ARHGAP8: variants seen among roughly 807,000 people sequenced by gnomAD.
The protein encoded by ARHGAP8 is Rho GTPase activating protein 8, also known as rho GTPase-activating protein 8.
A neutral mutation model predicts 46.1 loss-of-function variants in ARHGAP8; 62 were observed. That is an observed-to-expected ratio of 1.34 (90% CI 1.10 to 1.66). The LOEUF is 1.66. ARHGAP8 is among the 40% of genes most tolerant of loss of function. The pLI is 0.00. For synonymous variants in ARHGAP8, 375 were observed against 243.1 expected (o/e 1.54, Z -5.05); for missense variants, 923 against 568.4 (o/e 1.62, Z -6.34).
intron 5 of ARHGAP8, among the ~76,000 whole-genome samples, chr22:44,815,584 G>A (rs541842563): frequency 3.3e-5 from 5 of 152,082 alleles, no homozygotes; most frequent in Non-Finnish European, 5.9e-5. Flanking sequence ...CCCCCAGCCT[G>A]CTGAGTTAAG....
At chr22:44,805,848 C>T (rs773891081) in intron 3 of ARHGAP8, among the ~76,000 whole-genome samples, 27 of 152,188 alleles carry the variant, frequency 1.8e-4, no homozygotes, top group Non-Finnish European at 3.5e-4. Context: ...CAGATGCATG[C>T]TCCTATTTTT....
chr22:44,752,739 G>A (rs541824315), intron 1 of ARHGAP8, 112 bp downstream of exon 1: 2 of 151,840 alleles, frequency 1.3e-5, no homozygotes, highest in African/African-American at 4.8e-5. Flanking sequence ...GCCGCTGGCC[G>A]GGTAGGGACG....
chr22:44,807,249 TG>T (rs946289207), intron 3 of ARHGAP8, among the ~76,000 whole-genome samples: 16 of 152,156 alleles, frequency 1.1e-4, no homozygotes, highest in Non-Finnish European at 1.5e-4. Context: ...TGCAGAGTGC[TG>T]GTGGAGGGTT....
chr22:44,825,607 G>C lies in ARHGAP8; in HGVS notation c.596+14G>C. On this transcript the variant is annotated intron_variant, in intron 7 of 11. Transcript: ENST00000356099. ...CAGTCTGCAATAGTAAGTGAGCCGG[G>C]GATGTGCCTGCTCCTATGCCCTGGA... 1 of 1,608,060 alleles carries C rather than the reference G, an allele frequency of 6.2e-7. No homozygotes were observed.
At chr22:44,821,739 C>T (rs1279411221) in intron 5 of ARHGAP8, among the ~76,000 whole-genome samples, 1 of 152,224 alleles carries the variant, frequency 6.6e-6, no homozygotes, top group Non-Finnish European at 1.5e-5. Context: ...GGAGAACCCC[C>T]ACTTTCAGAC....
At chr22:44,773,994 C>T (rs372513096) in intron 1 of ARHGAP8, among the ~76,000 whole-genome samples, 1 of 152,196 alleles carries the variant, frequency 6.6e-6, no homozygotes, top group Admixed American at 6.5e-5. Flanking sequence ...TGCATTATCT[C>T]GCTAAATCCT....
rs1426142470 is a variant in ARHGAP8, at chr22:44,796,692, C to T, written c.80-5385C>T. Among the ~76,000 whole-genome samples the T allele has an allele frequency of 2.6e-5, 4 of 152,304 alleles. No individual in the cohort carries two copies. The East Asian group carries it at 5.8e-4, about 22-fold the overall frequency. On this transcript the variant is annotated intron_variant, in intron 2 of 11. Coordinates refer to ENST00000356099, the MANE Select transcript of ARHGAP8 (RefSeq NM_181335.3). Reference sequence around the variant, plus strand: ...TTAACTCCACGGGAGAAGTCACAGACGCTCTGAGTCCAGGACGCTCCCAGA... The same window carrying T: ...TTAACTCCACGGGAGAAGTCACAGATGCTCTGAGTCCAGGACGCTCCCAGA...
chr22:44,851,585 G>A (rs1433266409), intron 10 of ARHGAP8, among the ~76,000 whole-genome samples: 1 of 152,154 alleles, frequency 6.6e-6, no homozygotes, highest in African/African-American at 2.4e-5. Flanking sequence ...AGCACTTTGG[G>A]AGGCCAAGGC....
At position 44,859,720 on chromosome 22, in the gene ARHGAP8, T is replaced by C. The variant is rs1421977174; in HGVS notation, c.878-11T>C. On this transcript the variant is annotated splice_polypyrimidine_tract_variant and intron_variant, in intron 10 of 11. Transcript: ENST00000356099. ...CTCTGGAGCTCAGCAGGGAGCCCCATGCCCTTCCAGGTGTGGAGAGCAGCC... is the reference window on the plus strand; with the variant it reads ...CTCTGGAGCTCAGCAGGGAGCCCCACGCCCTTCCAGGTGTGGAGAGCAGCC... The C allele has an allele frequency of 6.2e-7, 1 of 1,612,878 alleles. No individual in the cohort carries two copies. The highest frequency in any genetic ancestry group is 8.5e-7 in the Non-Finnish European group (1 of 1,179,964).
At chr22:44,842,420 T>C (rs1456166136) in intron 7 of ARHGAP8, among the ~76,000 whole-genome samples, 1 of 152,192 alleles carries the variant, frequency 6.6e-6, no homozygotes, top group African/African-American at 2.4e-5. Flanking sequence ...AGTCATTTCC[T>C]TGGGATGAAT....
rs570715679 is a variant in ARHGAP8, at chr22:44,802,155, G to A, written c.158G>A (p.Arg53Gln). The A allele has an allele frequency of 1.4e-5, 23 of 1,614,112 alleles. No homozygotes were observed. Among genetic ancestry groups the A allele is most frequent in the Middle Eastern group, 1.7e-4 (1 of 6,060 alleles). The change falls in exon 3 of 12, where the codon CGG (arginine) becomes CAG (glutamine). Residue 53 changes from arginine to glutamine, a missense_variant. Coordinates refer to ENST00000356099, the MANE Select transcript of ARHGAP8 (RefSeq NM_181335.3). ...MPPSHELDHQ[R>Q]LLEYLKYTLD... ...CCCTCCCACGAGCTGGACCACCAGC[G>A]GCTGCTGGAGTAAGTGTTCTGCCCC...
At chr22:44,848,793 C>T in intron 9 of ARHGAP8, 139 bp from the exon 10 acceptor site, 1 of 1,470,816 alleles carries the variant, frequency 6.8e-7, no homozygotes, top group South Asian at 1.3e-5. Flanking sequence ...GTGGGGACAG[C>T]ATCATCCCTA....
At chr22:44,814,825 G>T in intron 5 of ARHGAP8, 67 bp downstream of exon 5, 2 of 1,565,864 alleles carry the variant, frequency 1.3e-6, no homozygotes, top group Non-Finnish European at 8.7e-7. Context: ...TCCATGGGAC[G>T]GCCTTCCCTA....
chr22:44,858,370 T>G (rs1337739651), intron 10 of ARHGAP8, among the ~76,000 whole-genome samples: 4 of 28,100 alleles, frequency 1.4e-4, no homozygotes, highest in Non-Finnish European at 3.2e-4. Context: ...TTGGTGGTGG[T>G]TTTTTTTTTT....
At chr22:44,834,324 T>C (rs1189665854) in intron 7 of ARHGAP8, among the ~76,000 whole-genome samples, 1 of 152,164 alleles carries the variant, frequency 6.6e-6, no homozygotes, top group Non-Finnish European at 1.5e-5. Context: ...AGTGTATTAT[T>C]TCCATGATTT....
chr22:44,812,344 T>C (rs1602211296), intron 4 of ARHGAP8, among the ~76,000 whole-genome samples: 1 of 107,488 alleles, frequency 9.3e-6, no homozygotes. Flanking sequence ...TCTCAGAGCC[T>C]TTTTTTTTTT....
chr22:44,841,507 G>C (rs939389782), intron 7 of ARHGAP8, among the ~76,000 whole-genome samples: 1 of 152,052 alleles, frequency 6.6e-6, no homozygotes, highest in Non-Finnish European at 1.5e-5. Context: ...TCCTTTTTGG[G>C]GTATCCCTAA....
intron 10 of ARHGAP8, among the ~76,000 whole-genome samples, chr22:44,853,235 CTT>C (rs1488327201): frequency 6.6e-6 from 1 of 152,158 alleles, no homozygotes; most frequent in African/African-American, 2.4e-5. Context: ...ATTTAGATGT[CTT>C]TGGTGATGGC....
At position 44,802,128 on chromosome 22, in the gene ARHGAP8, C is replaced by A. The variant is rs368156067; in HGVS notation, c.131C>A (p.Pro44Gln). 1.2e-6 allele frequency: 2 copies of A among 1,614,148 alleles called. No homozygotes were observed. Among genetic ancestry groups the A allele is most frequent in the Non-Finnish European group, 1.7e-6 (2 of 1,179,992 alleles). Residue 44 changes from proline (P) to glutamine (Q), a missense_variant, in exon 3 of 12, where the codon CCA (proline) becomes CAA (glutamine). Physicochemically the swap from Pro to Gln is moderately conservative, Grantham distance 76. Coordinates refer to ENST00000356099, the MANE Select transcript of ARHGAP8 (RefSeq NM_181335.3). Reference protein sequence around the residue: ...RVVTFSCCRMPPSHELDHQRL... With the variant: ...RVVTFSCCRMQPSHELDHQRL... ...GTCACGTTCAGCTGCTGCCGGATGC[C>A]ACCCTCCCACGAGCTGGACCACCAG...
Sources: allele counts gnomAD v4.1 joint callset (sites outside exome capture counted in the v4.1 genomes callset), GRCh38; gene constraint gnomAD v4.1.1; transcripts MANE v1.5; gene names NCBI Gene and HGNC (gene_info 2026-07-23, HGNC 2026-07-21).